The following IL24 variants were observed in gnomAD, a reference collection of about 807,000 sequenced individuals.
IL24 encodes interleukin 24.
In IL24, 24 loss-of-function variants were observed where a neutral mutation model predicts 27.6. The ratio of observed to expected loss-of-function variants is 0.87; its 90% CI spans 0.63 to 1.22. IL24 has a LOEUF of 1.22. Among genes scored for constraint, IL24 ranks in the 50% most tolerant of loss-of-function variants. The pLI is 0.00. For missense variants in IL24, 240 were observed against 237.0 expected, an observed-to-expected ratio of 1.01 and a Z score of -0.08; for synonymous variants, 99 against 93.1, an observed-to-expected ratio of 1.06 and a Z score of -0.36.
Position 206,902,969 on chromosome 1 carries a change from C to T in IL24, c.538-7C>T, listed in dbSNP as rs765794032. Reference sequence around the variant, plus strand: ...ATGGCTGACCTTCAACCCTCTTTTCCCTTTAGTTGGACGTAGAAGCAGCTC... The same window carrying T: ...ATGGCTGACCTTCAACCCTCTTTTCTCTTTAGTTGGACGTAGAAGCAGCTC... On this transcript the variant is annotated splice_region_variant and splice_polypyrimidine_tract_variant and intron_variant, in intron 6 of 6. Transcript: ENST00000294984. 1.2e-6 allele frequency: 2 copies of T among 1,614,134 alleles called. No homozygotes were observed. Among genetic ancestry groups the T allele is most frequent in the East Asian group, 4.5e-5 (2 of 44,884 alleles).
At chr1:206,899,185 G>A in intron 2 of IL24, 135 bp from the exon 3 acceptor site, 2 of 877,028 alleles carry the variant, frequency 2.3e-6, no homozygotes, top group East Asian at 2.7e-5. Flanking sequence ...AAGGCTGCCG[G>A]TTTGCAATAG....
intron 5 of IL24, 74 bp from the exon 6 acceptor site, chr1:206,901,924 C>G: frequency 6.9e-7 from 1 of 1,456,766 alleles, no homozygotes; most frequent in South Asian, 1.2e-5. Context: ...GTGGCATCAG[C>G]AGGAAAACTG....
In IL24 at chr1:206,903,053, G is replaced by A. The variant is rs1386097619; in HGVS notation, c.615G>A (p.Lys205=). ...ILLTWMQKFY[K]L is the part of the protein sequence containing the mutation. ...TGACCTGGATGCAGAAATTCTACAA[G>A]CTCTGAATGTCTAGACCAGGACCTC... The change falls in exon 7 of 7, where the codon AAG becomes AAA. Residue 205 remains lysine (K), a synonymous_variant. Transcript: ENST00000294984. The A allele has an allele frequency of 3.7e-6, 6 of 1,613,630 alleles. No homozygotes were observed. The highest frequency in any genetic ancestry group is 8.5e-7 in the Non-Finnish European group (1 of 1,179,644).
intron 2 of IL24, 141 bp from the exon 3 acceptor site, chr1:206,899,179 C>T: frequency 1.2e-6 from 1 of 820,276 alleles, no homozygotes; most frequent in East Asian, 2.8e-5. Context: ...CTTAGCAAGG[C>T]TGCCGGTTTG....
At chr1:206,899,826 G>GA (rs1678307162) in intron 3 of IL24, among the ~76,000 whole-genome samples, 1 of 152,062 alleles carries the variant, frequency 6.6e-6, no homozygotes, top group Non-Finnish European at 1.5e-5. Flanking sequence ...CTGAGAACTG[G>GA]AATGAGTGGC....
intron 4 of IL24, among the ~76,000 whole-genome samples, chr1:206,900,608 ATT>A (rs1558641045): frequency 6.6e-6 from 1 of 152,112 alleles, no homozygotes; most frequent in African/African-American, 2.4e-5. Flanking sequence ...TAGCCAGAGA[ATT>A]ATATATTTCT....
At chr1:206,899,000 A>C (rs1678264574) in intron 2 of IL24, among the ~76,000 whole-genome samples, 1 of 152,190 alleles carries the variant, frequency 6.6e-6, no homozygotes, top group African/African-American at 2.4e-5. Context: ...CTTCTGGGTC[A>C]AATTCTGACT....
chr1:206,902,894 G>A, intron 6 of IL24, 82 bp from the exon 7 acceptor site: 1 of 1,608,660 alleles, frequency 6.2e-7, no homozygotes, highest in Non-Finnish European at 8.5e-7. Flanking sequence ...TTGGAGTCAG[G>A]TCTATTTTAG....
Position 206,903,041 on chromosome 1 carries a change from G to A in IL24, c.603G>A (p.Gln201=), listed in dbSNP as rs774866776. 6 of 1,614,006 alleles carry A rather than the reference G, an allele frequency of 3.7e-6. No individual in the cohort carries two copies. The Admixed American group carries it at 1.0e-4, about 27-fold the overall frequency. The change falls in exon 7 of 7, where the codon CAG becomes CAA. Residue 201 remains glutamine, a synonymous_variant. Coordinates refer to ENST00000294984, the MANE Select transcript of IL24 (RefSeq NM_006850.3). ...GEVDILLTWM[Q]KFYKL ...TGGACATTCTTCTGACCTGGATGCAGAAATTCTACAAGCTCTGAATGTCTA... is the reference window on the plus strand; with the variant it reads ...TGGACATTCTTCTGACCTGGATGCAAAAATTCTACAAGCTCTGAATGTCTA...
intron 2 of IL24, among the ~76,000 whole-genome samples, chr1:206,898,309 C>T (rs918704163): frequency 3.3e-5 from 5 of 152,088 alleles, no homozygotes; most frequent in African/African-American, 9.7e-5. Context: ...CCAGCAGAAC[C>T]GGGTCTTCTC....
chr1:206,903,140 T>C lies in IL24; in HGVS notation c.*81T>C, dbSNP rs1316954724. The C allele has an allele frequency of 3.3e-5, 39 of 1,197,126 alleles. No individual in the cohort carries two copies. Among genetic ancestry groups the C allele is most frequent in the Non-Finnish European group, 4.9e-5 (39 of 801,174 alleles). The allele number at this position is 1,197,126 out of a possible 1,614,324, so 74.2% of individuals were successfully genotyped here. A position where few individuals can be genotyped will look rare whatever the true frequency, so the allele number is the denominator to read the frequency against. ...CAAACAGTCTCCCTTCCTATGCTGT[T>C]CACTGGACACTTCACGCCCTTGGCC... On this transcript the variant is annotated 3_prime_UTR_variant, in exon 7 of 7. Coordinates refer to ENST00000294984, the MANE Select transcript of IL24 (RefSeq NM_006850.3).
intron 2 of IL24, among the ~76,000 whole-genome samples, 172 bp from the exon 3 acceptor site, chr1:206,899,148 C>T (rs1163404081): frequency 6.6e-6 from 1 of 152,178 alleles, no homozygotes; most frequent in Admixed American, 6.5e-5. Context: ...CAGAAAGACC[C>T]CTGCTTCACC....
intron 5 of IL24, 62 bp downstream of exon 5, chr1:206,901,714 C>A: frequency 7.0e-7 from 1 of 1,438,376 alleles, no homozygotes; most frequent in Non-Finnish European, 9.6e-7. Flanking sequence ...TGCTTCCAAT[C>A]TGCTGGGTGA....
At chr1:206,902,125 C>G in intron 6 of IL24, 53 bp downstream of exon 6, 1 of 1,607,568 alleles carries the variant, frequency 6.2e-7, no homozygotes, top group Non-Finnish European at 8.5e-7. Flanking sequence ...CTAGTCTGCA[C>G]CATCACACGA....
At chr1:206,902,457 T>C (rs1174937660) in intron 6 of IL24, 9 of 972,378 alleles carry the variant, frequency 9.3e-6, no homozygotes, top group East Asian at 1.3e-4. Flanking sequence ...ACTGGTCTAG[T>C]TGTGAAAAAC....
rs1450314688 is a variant in IL24, at chr1:206,903,148, C to T, written c.*89C>T. Reference sequence around the variant, plus strand: ...CTCCCTTCCTATGCTGTTCACTGGACACTTCACGCCCTTGGCCATGGGTCC... The same window carrying T: ...CTCCCTTCCTATGCTGTTCACTGGATACTTCACGCCCTTGGCCATGGGTCC... On this transcript the variant is annotated 3_prime_UTR_variant, in exon 7 of 7. Transcript: ENST00000294984. 4.5e-6 allele frequency: 5 copies of T among 1,112,484 alleles called. No individual in the cohort carries two copies. In the African/African-American group the frequency reaches 4.6e-5, roughly 10 times the overall value. 68.9% of individuals were successfully genotyped at this position (1,112,484 alleles called of 1,614,324 possible).
chr1:206,901,888 T>C, intron 5 of IL24, 110 bp from the exon 6 acceptor site: 1 of 1,142,808 alleles, frequency 8.8e-7, no homozygotes, highest in Non-Finnish European at 1.3e-6. Context: ...GATTCAGCCC[T>C]GGGCTCTCAG....
chr1:206,903,104 C>T lies in IL24; in HGVS notation c.*45C>T. 1 of 1,511,736 alleles carries T rather than the reference C, an allele frequency of 6.6e-7. No individual in the cohort carries two copies. The highest frequency in any genetic ancestry group is 2.3e-5 in the East Asian group (1 of 44,392). The allele number at this position is 1,511,736 out of a possible 1,614,324, so 93.6% of individuals were successfully genotyped here. A position where few individuals can be genotyped will look rare whatever the true frequency, so the allele number is the denominator to read the frequency against. ...CCTCCCCCTGGCACTGGTTTGTTCC[C>T]TGTGTCATTTCAAACAGTCTCCCTT... is the stretch of plus-strand genomic sequence containing the variant. On this transcript the variant is annotated 3_prime_UTR_variant, in exon 7 of 7. Coordinates refer to ENST00000294984, the MANE Select transcript of IL24 (RefSeq NM_006850.3).
rs529727277 is a variant in IL24 at position 206,900,209 on chromosome 1, G to C, written c.241-86G>C. The C allele has an allele frequency of 6.7e-6, 8 of 1,185,516 alleles. No homozygotes were observed. The African/African-American group carries it at 7.5e-5, about 11-fold the overall frequency. The allele number at this position is 1,185,516 out of a possible 1,614,324, so 73.4% of individuals were successfully genotyped here. On this transcript the variant is annotated intron_variant, in intron 3 of 6. Transcript: ENST00000294984. ...GATCTCACAGACTAGATAGATTTAGGGGTCTAGGGAAGCAGCACATATTTG... is the reference window on the plus strand; with the variant it reads ...GATCTCACAGACTAGATAGATTTAGCGGTCTAGGGAAGCAGCACATATTTG...
Sources: gnomAD v4.1 joint callset for allele counts (sites outside exome capture counted in the v4.1 genomes callset) on GRCh38, gnomAD v4.1.1 for gene constraint, MANE v1.5 for transcripts, NCBI Gene and HGNC (gene_info 2026-07-23, HGNC 2026-07-21) for gene names.